The following COL4A4 variants were observed in gnomAD, a reference collection of about 807,000 sequenced individuals.
The protein encoded by COL4A4 is collagen type IV alpha 4 chain.
In COL4A4, 105 loss-of-function variants were observed where a neutral mutation model predicts 192.9. The observed-to-expected ratio is 0.54, with a 90% CI of 0.46 to 0.64. The LOEUF is 0.64. Among genes scored for constraint, COL4A4 ranks in the 30% least tolerant of loss-of-function variants. The pLI is 0.00. For synonymous variants in COL4A4, 762 were observed against 769.9 expected, an observed-to-expected ratio of 0.99 and a Z score of 0.17; for missense variants, 1,967 against 2,169.3, an observed-to-expected ratio of 0.91 and a Z score of 1.85.
intron 37 of COL4A4, among the ~76,000 whole-genome samples, chr2:227,041,902 G>A (rs532095066): frequency 6.1e-4 from 92 of 150,488 alleles, no homozygotes; most frequent in African/African-American, 2.2e-3. Context: ...AAGAAAGAAA[G>A]AAAGAAAGAA....
At chr2:227,108,131 G>T (rs184863707) in intron 12 of COL4A4, among the ~76,000 whole-genome samples, 7 of 152,270 alleles carry the variant, frequency 4.6e-5, no homozygotes, top group Non-Finnish European at 1.0e-4. Flanking sequence ...GTGAGTGGCA[G>T]GGGGAGGAGA....
At chr2:226,970,505 T>A in the COL4A4 span, among the ~76,000 whole-genome samples, 1 of 152,198 alleles carries the variant, frequency 6.6e-6, no homozygotes, top group African/African-American at 2.4e-5. Flanking sequence ...ATCGTGAACA[T>A]CTGTTGGCTG....
At chr2:226,992,272 G>A in the COL4A4 span, among the ~76,000 whole-genome samples, 64 of 152,340 alleles carry the variant, frequency 4.2e-4, 3 homozygotes, top group South Asian at 0.013. Flanking sequence ...AGTAGTCGGT[G>A]TAGGTTAGGG....
At chr2:227,000,083 C>G (rs1960538657), downstream of COL4A4, among the ~76,000 whole-genome samples, 2 of 152,194 alleles carry the variant, frequency 1.3e-5, no homozygotes, top group Non-Finnish European at 2.9e-5. Context: ...TTACAAGATC[C>G]TCTCCCTCAA....
chr2:226,992,781 G>T, the COL4A4 span, among the ~76,000 whole-genome samples: 71,108 of 151,992 alleles, frequency 0.47, 17,010 homozygotes, highest in South Asian at 0.57. Context: ...CTGAACACTT[G>T]CGGTGTGAGA....
the COL4A4 span, among the ~76,000 whole-genome samples, chr2:226,979,293 A>G: frequency 4.6e-5 from 7 of 152,296 alleles, no homozygotes; most frequent in East Asian, 1.4e-3. Context: ...ACCAGGAAAG[A>G]TAAGGCTTAT....
chr2:226,976,632 C>A, the COL4A4 span, among the ~76,000 whole-genome samples: 5 of 152,188 alleles, frequency 3.3e-5, no homozygotes, highest in Admixed American at 1.3e-4. Context: ...AGAGAAGAGA[C>A]CCCAGTCCAA....
chr2:227,109,061 C>T, intron 10 of COL4A4, 163 bp downstream of exon 10: 1 of 891,940 alleles, frequency 1.1e-6, no homozygotes, highest in Middle Eastern at 2.1e-4. Context: ...GGGACCTGTG[C>T]TTCAAGATGG....
chr2:227,094,292 GCAAGATAAAT>G lies in COL4A4; in HGVS notation c.1205-13_1205-4del, dbSNP rs766344620. 1 of 1,613,164 alleles carries G rather than the reference GCAAGATAAAT, an allele frequency of 6.2e-7. No individual in the cohort carries two copies. The highest frequency in any genetic ancestry group is 8.5e-7 in the Non-Finnish European group (1 of 1,179,602). ...TGGCCCAGGGGGTCCTATCATGCCTGCAAGATAAATCAAGAATGAAAATTACATATACTCT... is the reference window on the plus strand; with the variant it reads ...TGGCCCAGGGGGTCCTATCATGCCTGCAAGAATGAAAATTACATATACTCT... On this transcript the variant is annotated splice_polypyrimidine_tract_variant and splice_region_variant and intron_variant, in intron 19 of 47. Coordinates refer to ENST00000396625, the MANE Select transcript of COL4A4 (RefSeq NM_000092.5).
At chr2:227,113,588 T>C (rs1302877068) in intron 8 of COL4A4, among the ~76,000 whole-genome samples, 1 of 152,194 alleles carries the variant, frequency 6.6e-6, no homozygotes, top group Admixed American at 6.5e-5. Flanking sequence ...GGGAGTTGCT[T>C]AAAGTCACAG....
At chr2:227,135,971 G>C (rs901053091) in intron 4 of COL4A4, among the ~76,000 whole-genome samples, 3 of 152,082 alleles carry the variant, frequency 2.0e-5, no homozygotes, top group Non-Finnish European at 4.4e-5. Flanking sequence ...TAATTTATGT[G>C]TATTAACTGC....
rs527404124 is a variant in COL4A4 at position 227,023,295 on chromosome 2, T to A, written c.4091-1122A>T. On this transcript the variant is annotated intron_variant, in intron 43 of 47. Coordinates refer to ENST00000396625, the MANE Select transcript of COL4A4 (RefSeq NM_000092.5). ...ATCTCTACTTAAAAAAAAAAAAAAA[T>A]AGCTGGGTGTAGTGGCAAGTGCCTG... Among the ~76,000 whole-genome samples, 11 of 145,976 alleles carry A rather than the reference T, an allele frequency of 7.5e-5. No homozygotes were observed. In the South Asian group the frequency reaches 2.4e-3, roughly 32 times the overall value.
At chr2:227,087,847 C>G (rs2059686948) in intron 22 of COL4A4, among the ~76,000 whole-genome samples, 2 of 152,216 alleles carry the variant, frequency 1.3e-5, no homozygotes, top group African/African-American at 4.8e-5. Flanking sequence ...GCTCTGCAGC[C>G]CTTCCTAACC....
chr2:227,010,553 C>A (rs1963444634), intron 45 of COL4A4, 52 bp from the exon 46 acceptor site: 1 of 1,422,532 alleles, frequency 7.0e-7, no homozygotes, highest in African/African-American at 1.4e-5. Context: ...TTTGGTTTAA[C>A]AAATATGTTA....
In COL4A4 at chr2:227,006,744, C is replaced by T. The variant is rs79659665; in HGVS notation, c.*581G>A. ...ATTCTCCTTTGAAAGGAACTGTTAA[C>T]GCTGGCAGTGTGAATTTTTTTTTTT... On this transcript the variant is annotated 3_prime_UTR_variant, in exon 48 of 48. Transcript: ENST00000396625. The T allele has an allele frequency of 0.015, 2,303 of 152,316 alleles. 48 individuals are homozygous for T. Among genetic ancestry groups the T allele is most frequent in the African/African-American group, 0.055 (2,195 of 39,714 alleles). 9.4% of individuals were successfully genotyped at this position (152,316 alleles called of 1,614,324 possible). A position where few individuals can be genotyped will look rare whatever the true frequency, so the allele number is the denominator to read the frequency against.
At chr2:227,060,101 G>GAAAGAAA in intron 27 of COL4A4, 35 bp downstream of exon 27, 1 of 503,758 alleles carries the variant, frequency 2.0e-6, no homozygotes, top group African/African-American at 4.0e-5. Context: ...TCCCAAAGCA[G>GAAAGAAA]AAAAAAAAAA....
At chr2:226,997,618 T>C in the COL4A4 span, 2 of 152,204 alleles carry the variant, frequency 1.3e-5, no homozygotes, top group Admixed American at 1.3e-4. Context: ...TATATGGAAG[T>C]ATTTTATTTT....
intron 7 of COL4A4, among the ~76,000 whole-genome samples, chr2:227,115,243 T>G (rs1207765957): frequency 1.3e-5 from 2 of 151,690 alleles, no homozygotes; most frequent in Non-Finnish European, 2.9e-5. Flanking sequence ...TTTTCCTACT[T>G]AATATCTTAA....
chr2:227,054,776 T>G, intron 30 of COL4A4, 39 bp from the exon 31 acceptor site: 1 of 1,579,780 alleles, frequency 6.3e-7, no homozygotes, highest in Non-Finnish European at 8.6e-7. Flanking sequence ...GAAAATATTT[T>G]ATTTGTTATT....
Sources: gnomAD v4.1 joint callset for allele counts (sites outside exome capture counted in the v4.1 genomes callset) on GRCh38, gnomAD v4.1.1 for gene constraint, MANE v1.5 for transcripts, NCBI Gene and HGNC (gene_info 2026-07-23, HGNC 2026-07-21) for gene names.